Variants in TASP1 observed in about 807,000 individuals in gnomAD.
TASP1 encodes the protein threonine aspartase 1.
TASP1 carries 16 observed loss-of-function variants against 56.6 expected under a neutral mutation model. That is an observed-to-expected ratio of 0.28 (90% CI 0.19 to 0.43). The LOEUF is 0.43. TASP1 is among the 20% of genes least tolerant of loss of function. The pLI is 1.00. For synonymous variants in TASP1, 179 were observed against 184.2 expected (o/e 0.97, Z 0.23); for missense variants, 393 against 511.6 (o/e 0.77, Z 2.24).
chr20:13,602,532 C>T (rs1320546203), intron 4 of TASP1, among the ~76,000 whole-genome samples: 1 of 152,188 alleles, frequency 6.6e-6, no homozygotes, highest in Non-Finnish European at 1.5e-5. Context: ...TATGAGAATT[C>T]TCTAAACCAG....
intron 1 of TASP1, among the ~76,000 whole-genome samples, chr20:13,635,608 G>A (rs996594986): frequency 1.3e-5 from 2 of 151,910 alleles, no homozygotes; most frequent in Admixed American, 6.6e-5. Context: ...AGCTGGTCTC[G>A]AACTCCTGAC....
intron 4 of TASP1, among the ~76,000 whole-genome samples, chr20:13,604,987 CATATATATATATAT>C (rs3042652): frequency 2.1e-5 from 3 of 140,498 alleles, no homozygotes; most frequent in African/African-American, 7.8e-5. Flanking sequence ...AGACATAATA[CATATATATATATAT>C]ATATATATAT....
At chr20:13,117,595 T>C in the TASP1 span, 64 of 1,613,952 alleles carry the variant, frequency 4.0e-5, no homozygotes, top group Middle Eastern at 1.6e-4. Flanking sequence ...GCTCACAGTA[T>C]TGGGGCCGTG....
chr20:13,577,432 T>C (rs974574058), intron 6 of TASP1, among the ~76,000 whole-genome samples: 2 of 152,198 alleles, frequency 1.3e-5, no homozygotes, highest in African/African-American at 2.4e-5. Flanking sequence ...CCCTACAATG[T>C]GAGGTCTATT....
At chr20:13,218,007 T>C in the TASP1 span, among the ~76,000 whole-genome samples, 1 of 152,068 alleles carries the variant, frequency 6.6e-6, no homozygotes, top group Non-Finnish European at 1.5e-5. Context: ...CCCAGCACTT[T>C]GGGAGGCCGA....
At chr20:13,509,124 A>T (rs934010616) in intron 10 of TASP1, among the ~76,000 whole-genome samples, 2 of 142,880 alleles carry the variant, frequency 1.4e-5, no homozygotes, top group East Asian at 2.1e-4. Context: ...GAATGAAGAA[A>T]GTGTGTGTGT....
chr20:13,429,211 C>A (rs1447602128), intron 12 of TASP1, among the ~76,000 whole-genome samples: 1 of 152,210 alleles, frequency 6.6e-6, no homozygotes, highest in East Asian at 1.9e-4. Flanking sequence ...ATGGTGCTAA[C>A]AGAGCACAAG....
chr20:13,453,676 G>A (rs1368724515), intron 11 of TASP1, among the ~76,000 whole-genome samples: 2 of 151,948 alleles, frequency 1.3e-5, no homozygotes, highest in South Asian at 2.1e-4. Context: ...TAGTTATTAC[G>A]TACTATTCAT....
chr20:13,148,096 G>A, the TASP1 span, among the ~76,000 whole-genome samples: 24 of 152,144 alleles, frequency 1.6e-4, no homozygotes, highest in South Asian at 4.1e-4. Context: ...AGGTCATTCT[G>A]GTAGTTTCAG....
the TASP1 span, among the ~76,000 whole-genome samples, chr20:13,301,369 A>G: frequency 6.6e-6 from 1 of 152,076 alleles, no homozygotes; most frequent in Non-Finnish European, 1.5e-5. Context: ...TTGTATTTTT[A>G]GGAGAGATAA....
chr20:13,105,865 TAATA>T, the TASP1 span, among the ~76,000 whole-genome samples: 1 of 152,152 alleles, frequency 6.6e-6, no homozygotes, highest in Non-Finnish European at 1.5e-5. Context: ...ATTATAGACA[TAATA>T]AATAAAAGAT....
the TASP1 span, among the ~76,000 whole-genome samples, chr20:13,329,843 C>A: frequency 6.6e-6 from 1 of 151,980 alleles, no homozygotes; most frequent in Non-Finnish European, 1.5e-5. Context: ...CATTTTTCAC[C>A]ATTAAGTATA....
chr20:13,270,714 G>C, the TASP1 span: 1 of 1,613,866 alleles, frequency 6.2e-7, no homozygotes, highest in South Asian at 1.1e-5. Context: ...TTCCAAAGCT[G>C]ATATCAATGG....
intron 12 of TASP1, among the ~76,000 whole-genome samples, chr20:13,422,359 C>T (rs145094422): frequency 8.0e-4 from 122 of 152,220 alleles, no homozygotes; most frequent in African/African-American, 2.8e-3. Context: ...CACAATAATG[C>T]TGTCCTCTAT....
chr20:13,559,263 G>A (rs180915712), intron 7 of TASP1, 149 bp from the exon 8 acceptor site: 264 of 428,356 alleles, frequency 6.2e-4, no homozygotes, highest in Middle Eastern at 1.8e-3. Flanking sequence ...TGTATACAGG[G>A]ATAGTAGGAG....
At chr20:13,528,548 A>C in intron 9 of TASP1, 37 bp from the exon 10 acceptor site, 2 of 1,525,984 alleles carry the variant, frequency 1.3e-6, no homozygotes, top group African/African-American at 2.8e-5. Context: ...TATTTCAGAA[A>C]TATCATATGT....
intron 10 of TASP1, among the ~76,000 whole-genome samples, chr20:13,528,187 C>T (rs2045061441): frequency 7.4e-6 from 1 of 135,964 alleles, no homozygotes; most frequent in Admixed American, 8.2e-5. Flanking sequence ...CGCACCACTG[C>T]TCCAGCATGG....
At chr20:13,176,909 G>T in the TASP1 span, among the ~76,000 whole-genome samples, 1 of 152,268 alleles carries the variant, frequency 6.6e-6, no homozygotes, top group Middle Eastern at 3.4e-3. Context: ...AACCAAGGAG[G>T]TAAAGGACCT....
At chr20:13,278,700 G>A in the TASP1 span, among the ~76,000 whole-genome samples, 10 of 152,332 alleles carry the variant, frequency 6.6e-5, no homozygotes, top group South Asian at 1.7e-3. Flanking sequence ...CAATGACCAC[G>A]GGATTGCTGT....
Sources: gnomAD v4.1 joint callset for allele counts (sites outside exome capture counted in the v4.1 genomes callset) on GRCh38, gnomAD v4.1.1 for gene constraint, MANE v1.5 for transcripts, NCBI Gene and HGNC (gene_info 2026-07-23, HGNC 2026-07-21) for gene names.